ARHGAP8: variants seen among roughly 807,000 people sequenced by gnomAD.
The protein encoded by ARHGAP8 is Rho GTPase activating protein 8, also known as rho GTPase-activating protein 8.
In ARHGAP8, 62 loss-of-function variants were observed where a neutral mutation model predicts 46.1. That is an observed-to-expected ratio of 1.34 (90% CI 1.10 to 1.66). The LOEUF (loss-of-function observed/expected upper bound fraction) is 1.66, where lower values mean the gene tolerates loss of function less well. ARHGAP8 is among the 40% of genes most tolerant of loss of function. ARHGAP8 has a pLI of 0.00. For missense variants in ARHGAP8, 923 were observed against 568.4 expected, an observed-to-expected ratio of 1.62 and a Z score of -6.34; for synonymous variants, 375 against 243.1, an observed-to-expected ratio of 1.54 and a Z score of -5.05.
intron 7 of ARHGAP8, among the ~76,000 whole-genome samples, chr22:44,836,941 C>T (rs1231813018): frequency 8.6e-5 from 13 of 152,022 alleles, no homozygotes; most frequent in African/African-American, 7.2e-5. Flanking sequence ...TGCAGTGGCA[C>T]GATCTCGATC....
intron 1 of ARHGAP8, among the ~76,000 whole-genome samples, chr22:44,782,495 C>G (rs1926914964): frequency 6.6e-6 from 1 of 152,170 alleles, no homozygotes; most frequent in Non-Finnish European, 1.5e-5. Context: ...CAGCCACTCC[C>G]CTGCCCTCCC....
At chr22:44,786,876 G>A (rs562876303) in intron 2 of ARHGAP8, among the ~76,000 whole-genome samples, 1 of 152,148 alleles carries the variant, frequency 6.6e-6, no homozygotes, top group South Asian at 2.1e-4. Context: ...AATCAGCCGA[G>A]CATGGTGTTG....
At chr22:44,766,536 ATG>A (rs1166519422) in intron 1 of ARHGAP8, among the ~76,000 whole-genome samples, 1 of 151,230 alleles carries the variant, frequency 6.6e-6, no homozygotes, top group East Asian at 2.0e-4. Flanking sequence ...GTCTGTAGGC[ATG>A]TGTGTCTGCA....
intron 2 of ARHGAP8, among the ~76,000 whole-genome samples, chr22:44,787,313 T>G (rs896974018): frequency 7.2e-6 from 1 of 138,204 alleles, no homozygotes; most frequent in Non-Finnish European, 1.6e-5. Context: ...GGAAAACATC[T>G]TGCGTTGCTT....
chr22:44,774,041 A>G (rs941023864), intron 1 of ARHGAP8, among the ~76,000 whole-genome samples: 1 of 152,218 alleles, frequency 6.6e-6, no homozygotes, highest in African/African-American at 2.4e-5. Flanking sequence ...GTTGTTGTCT[A>G]TATTTTATAA....
intron 2 of ARHGAP8, among the ~76,000 whole-genome samples, chr22:44,800,691 GGGC>G (rs1295709731): frequency 9.6e-5 from 4 of 41,606 alleles, no homozygotes; most frequent in African/African-American, 1.2e-4. Flanking sequence ...CATGTGTGGG[GGGC>G]GCCCCTCCCC....
At chr22:44,813,640 TACAC>T (rs960958417) in intron 4 of ARHGAP8, among the ~76,000 whole-genome samples, 1 of 150,798 alleles carries the variant, frequency 6.6e-6, no homozygotes, top group Non-Finnish European at 1.5e-5. Context: ...TACACACACC[TACAC>T]ACACACCCAC....
intron 2 of ARHGAP8, among the ~76,000 whole-genome samples, chr22:44,792,624 G>A (rs371904776): frequency 3.9e-4 from 60 of 152,162 alleles, no homozygotes; most frequent in African/African-American, 1.4e-3. Flanking sequence ...CCCCACCAAC[G>A]CATTTCTGAA....
intron 7 of ARHGAP8, among the ~76,000 whole-genome samples, chr22:44,828,046 A>G (rs939138580): frequency 3.9e-5 from 6 of 152,208 alleles, no homozygotes; most frequent in Non-Finnish European, 8.8e-5. Flanking sequence ...GAATCATCAC[A>G]TGTGACTTGA....
At chr22:44,855,674 C>T (rs1321293476) in intron 10 of ARHGAP8, among the ~76,000 whole-genome samples, 3 of 152,096 alleles carry the variant, frequency 2.0e-5, no homozygotes, top group Non-Finnish European at 2.9e-5. Flanking sequence ...CAATGTAACT[C>T]GAAACCCATA....
At chr22:44,855,484 CTTTCATACATAG>C (rs1173767208) in intron 10 of ARHGAP8, among the ~76,000 whole-genome samples, 2 of 152,188 alleles carry the variant, frequency 1.3e-5, no homozygotes, top group East Asian at 3.8e-4. Flanking sequence ...GATCTTATAA[CTTTCATACATAG>C]TTTCATACAA....
In ARHGAP8 at chr22:44,828,318, G is replaced by T. The variant is rs140896731; in HGVS notation, c.596+2725G>T. 2.1e-3 allele frequency among the ~76,000 whole-genome samples: 317 copies of T among 152,202 alleles called. 1 individual carries two copies. Among genetic ancestry groups the T allele is most frequent in the African/African-American group, 7.3e-3 (305 of 41,538 alleles). ...CTTGCACTCCCACCACCCCTTAGGG[G>T]CCGCCCAGGAATGCTGGGCGGGGCA... On this transcript the variant is annotated intron_variant, in intron 7 of 11. Coordinates refer to ENST00000356099, the MANE Select transcript of ARHGAP8 (RefSeq NM_181335.3).
intron 1 of ARHGAP8, among the ~76,000 whole-genome samples, chr22:44,780,898 T>G (rs5765992): frequency 0.89 from 135,235 of 152,164 alleles, 60,215 homozygotes; most frequent in African/African-American, 0.92. Flanking sequence ...TAGGTTCTGT[T>G]TCCCATTTTA....
intron 10 of ARHGAP8, among the ~76,000 whole-genome samples, chr22:44,857,808 C>T (rs1010332160): frequency 3.9e-5 from 6 of 152,064 alleles, no homozygotes; most frequent in East Asian, 1.9e-4. Context: ...AGCTCTCTTT[C>T]CTCCTCTCTC....
At chr22:44,802,247 C>T (rs963106827) in intron 3 of ARHGAP8, 83 bp downstream of exon 3, 3 of 1,546,860 alleles carry the variant, frequency 1.9e-6, no homozygotes, top group Non-Finnish European at 2.6e-6. Context: ...CACTCTGAGT[C>T]ATCTGCTGTG....
In ARHGAP8 at chr22:44,859,844, G is replaced by GA; in HGVS notation, c.981+12dup. 1 of 1,612,554 alleles carries GA rather than the reference G, an allele frequency of 6.2e-7. No individual in the cohort carries two copies. The highest frequency in any genetic ancestry group is 8.5e-7 in the Non-Finnish European group (1 of 1,179,352). ...GGGCTTCCTGCATGCGGTGAGTGGG[G>GA]AAGGGGGGAGCTTGGGGTGAAGCCC... On this transcript the variant is annotated intron_variant, in intron 11 of 11. Transcript: ENST00000356099.
In ARHGAP8 at chr22:44,862,357, A is replaced by C; in HGVS notation, c.1064A>C (p.Gln355Pro). The C allele has an allele frequency of 1.2e-6, 2 of 1,614,126 alleles. No individual in the cohort carries two copies. The highest frequency in any genetic ancestry group is 1.1e-5 in the South Asian group (1 of 91,070). The change falls in exon 12 of 12, where the codon CAG (glutamine) becomes CCG (proline). Residue 355 changes from glutamine (Q) to proline (P), a missense_variant. Gln to Pro is a moderately conservative substitution (Grantham distance 76). Coordinates refer to ENST00000356099, the MANE Select transcript of ARHGAP8 (RefSeq NM_181335.3). ...VFGLNLIWPSQGVSSLSALVP... is the reference protein window; with the variant it reads ...VFGLNLIWPSPGVSSLSALVP... ...GGGCTGAATTTGATCTGGCCATCCCAGGGGGTCTCCTCCCTGAGTGCCCTT... is the reference window on the plus strand; with the variant it reads ...GGGCTGAATTTGATCTGGCCATCCCCGGGGGTCTCCTCCCTGAGTGCCCTT...
intron 7 of ARHGAP8, among the ~76,000 whole-genome samples, chr22:44,841,713 G>A (rs1464680214): frequency 6.6e-6 from 1 of 152,208 alleles, no homozygotes; most frequent in Non-Finnish European, 1.5e-5. Context: ...CCGGGCTGAA[G>A]AAGTAGCCTC....
intron 1 of ARHGAP8, among the ~76,000 whole-genome samples, chr22:44,774,515 G>A (rs1034323353): frequency 1.4e-5 from 2 of 147,878 alleles, no homozygotes; most frequent in Admixed American, 7.1e-5. Flanking sequence ...ATTTCTTTGG[G>A]AGATTTTTTT....
Sources: gnomAD v4.1 joint callset for allele counts (sites outside exome capture counted in the v4.1 genomes callset) on GRCh38, gnomAD v4.1.1 for gene constraint, MANE v1.5 for transcripts, NCBI Gene and HGNC (gene_info 2026-07-23, HGNC 2026-07-21) for gene names.